Variants in STARD6 observed in about 807,000 individuals in gnomAD.
STARD6 encodes the protein StAR related lipid transfer domain containing 6.
Under a neutral mutation model 22.3 loss-of-function variants are expected in STARD6, and 21 were observed. The observed-to-expected ratio is 0.94, with a 90% CI of 0.67 to 1.35. The LOEUF (loss-of-function observed/expected upper bound fraction) is 1.35, where lower values mean the gene tolerates loss of function less well. Ranked by LOEUF, STARD6 falls within the 40% of genes most tolerant of loss-of-function variation. STARD6 has a pLI of 0.00. For missense variants in STARD6, 269 were observed against 266.9 expected, an observed-to-expected ratio of 1.01 and a Z score of -0.05; for synonymous variants, 80 against 88.1, an observed-to-expected ratio of 0.91 and a Z score of 0.52.
At position 54,356,341 on chromosome 18, in the gene STARD6, C is replaced by A. The variant is rs562103578; in HGVS notation, c.-5+20G>T. On this transcript the variant is annotated intron_variant, in intron 2 of 7. Transcript: ENST00000307844. ...ATTATTATAACCTCCTCTTTCCTAG[C>A]AGAGTCCTGGTTTCTTTACCTTTCC... 2.6e-5 allele frequency: 4 copies of A among 152,284 alleles called. No individual in the cohort carries two copies. The highest frequency in any genetic ancestry group is 5.9e-5 in the Non-Finnish European group (4 of 68,036). 9.4% of individuals were successfully genotyped at this position (152,284 alleles called of 1,614,324 possible).
chr18:54,339,413 C>T (rs1212501167), intron 4 of STARD6, among the ~76,000 whole-genome samples: 1 of 151,416 alleles, frequency 6.6e-6, no homozygotes, highest in Non-Finnish European at 1.5e-5. Flanking sequence ...GGAAAAACAT[C>T]CACTTCCAGA....
intron 5 of STARD6, among the ~76,000 whole-genome samples, chr18:54,335,154 A>G (rs916186834): frequency 6.6e-6 from 1 of 151,194 alleles, no homozygotes; most frequent in African/African-American, 2.4e-5. Flanking sequence ...TCATCCCCCC[A>G]TCCCTCCAGG....
intron 4 of STARD6, among the ~76,000 whole-genome samples, chr18:54,340,892 G>C (rs1230401918): frequency 6.6e-6 from 1 of 152,058 alleles, no homozygotes; most frequent in Non-Finnish European, 1.5e-5. Context: ...GAGATAAAGA[G>C]GGATATATTA....
intron 4 of STARD6, among the ~76,000 whole-genome samples, chr18:54,351,991 A>G (rs1004907681): frequency 2.3e-5 from 3 of 128,988 alleles, no homozygotes; most frequent in South Asian, 2.4e-4. Flanking sequence ...TTCTTTCTCT[A>G]TCTTTTGGAA....
chr18:54,356,781 T>C (rs974319060), intron 1 of STARD6, among the ~76,000 whole-genome samples: 2 of 152,230 alleles, frequency 1.3e-5, no homozygotes, highest in African/African-American at 4.8e-5. Context: ...CGTCTTAGCA[T>C]ATAAAACACC....
chr18:54,340,499 A>G (rs2088960116), intron 4 of STARD6, among the ~76,000 whole-genome samples: 1 of 152,236 alleles, frequency 6.6e-6, no homozygotes, highest in Non-Finnish European at 1.5e-5. Flanking sequence ...CAGAGGAACA[A>G]AATAGCCATG....
chr18:54,339,075 A>C (rs1229393239), intron 4 of STARD6, among the ~76,000 whole-genome samples: 6 of 147,066 alleles, frequency 4.1e-5, no homozygotes, highest in Non-Finnish European at 9.0e-5. Context: ...AAAAAAAAAA[A>C]AAAAACTCAA....
At chr18:54,343,134 G>A (rs2088991949) in intron 4 of STARD6, among the ~76,000 whole-genome samples, 1 of 36,668 alleles carries the variant, frequency 2.7e-5, no homozygotes, top group South Asian at 1.2e-3. Flanking sequence ...GATGTGAGGA[G>A]CGCCTCTGCC....
At chr18:54,332,817 A>T (rs552107670) in intron 5 of STARD6, among the ~76,000 whole-genome samples, 2 of 152,288 alleles carry the variant, frequency 1.3e-5, no homozygotes, top group South Asian at 4.1e-4. Flanking sequence ...AAGTAGGATG[A>T]TCACTTGAGC....
At chr18:54,332,988 A>G (rs1033303209) in intron 5 of STARD6, among the ~76,000 whole-genome samples, 5 of 152,340 alleles carry the variant, frequency 3.3e-5, no homozygotes, top group African/African-American at 4.8e-5. Flanking sequence ...ACAAAAAGGG[A>G]AAATAATTCT....
At chr18:54,341,843 GCCT>G (rs906952051) in intron 4 of STARD6, among the ~76,000 whole-genome samples, 19 of 152,148 alleles carry the variant, frequency 1.2e-4, no homozygotes, top group Middle Eastern at 3.4e-3. Flanking sequence ...CAATAACCTA[GCCT>G]TTAATTTTAG....
intron 4 of STARD6, among the ~76,000 whole-genome samples, chr18:54,344,541 C>T (rs1443326464): frequency 1.0e-5 from 1 of 99,028 alleles, no homozygotes; most frequent in African/African-American, 4.3e-5. Flanking sequence ...CCAAATCCCC[C>T]TCTGTGAGAA....
At position 54,328,640 on chromosome 18, in the gene STARD6, A is replaced by G. The variant is rs1217589314; in HGVS notation, c.479+707T>C. 6.1e-5 allele frequency among the ~76,000 whole-genome samples: 9 copies of G among 147,894 alleles called. No individual in the cohort carries two copies. The East Asian group carries it at 1.8e-3, about 29-fold the overall frequency. On this transcript the variant is annotated intron_variant, in intron 7 of 7. Coordinates refer to ENST00000307844, the MANE Select transcript of STARD6 (RefSeq NM_139171.2). ...TTTCATTTGGGCTTCCTTCACATACATTTTTTTTTTTGTACTGAGACATTT... is the reference window on the plus strand; with the variant it reads ...TTTCATTTGGGCTTCCTTCACATACGTTTTTTTTTTTGTACTGAGACATTT...
At chr18:54,347,873 C>G (rs2089052038) in intron 4 of STARD6, among the ~76,000 whole-genome samples, 2 of 152,188 alleles carry the variant, frequency 1.3e-5, no homozygotes, top group Middle Eastern at 3.4e-3. Flanking sequence ...CCACCCAAAT[C>G]TCATCTTGAA....
chr18:54,329,677 T>C (rs2088851269), intron 6 of STARD6, among the ~76,000 whole-genome samples: 1 of 151,996 alleles, frequency 6.6e-6, no homozygotes, highest in African/African-American at 2.4e-5. Context: ...TGTCAACTTC[T>C]GTATACAAGA....
chr18:54,341,892 C>G (rs1385656971), intron 4 of STARD6, among the ~76,000 whole-genome samples: 5 of 152,012 alleles, frequency 3.3e-5, no homozygotes, highest in Non-Finnish European at 7.4e-5. Context: ...AAACCCAAAG[C>G]TAGCAGAAGG....
rs1195078727 is a variant in STARD6, at chr18:54,325,432, A to G, written c.480-557T>C. ...ATCTACTTAACTGTTTTTCATGGCTACAGACAGTATTTCATTTTCTATTTA... is the reference window on the plus strand; with the variant it reads ...ATCTACTTAACTGTTTTTCATGGCTGCAGACAGTATTTCATTTTCTATTTA... On this transcript the variant is annotated intron_variant, in intron 7 of 7. Coordinates refer to ENST00000307844, the MANE Select transcript of STARD6 (RefSeq NM_139171.2). Among the ~76,000 whole-genome samples, 3 of 152,288 alleles carry G rather than the reference A, an allele frequency of 2.0e-5. No homozygotes were observed. In the East Asian group the frequency reaches 5.8e-4, roughly 29 times the overall value.
At chr18:54,347,920 A>C (rs2089052859) in intron 4 of STARD6, among the ~76,000 whole-genome samples, 1 of 152,146 alleles carries the variant, frequency 6.6e-6, no homozygotes, top group Admixed American at 6.6e-5. Context: ...TGTAGGAGAG[A>C]CCTGGTGGAA....
At chr18:54,351,476 T>C (rs1316073152) in intron 4 of STARD6, among the ~76,000 whole-genome samples, 4 of 152,198 alleles carry the variant, frequency 2.6e-5, no homozygotes, top group African/African-American at 9.7e-5. Flanking sequence ...GGACTTCCAG[T>C]ACTATGTTGA....
Sources: gnomAD v4.1 joint callset for allele counts (sites outside exome capture counted in the v4.1 genomes callset) on GRCh38, gnomAD v4.1.1 for gene constraint, MANE v1.5 for transcripts, NCBI Gene and HGNC (gene_info 2026-07-23, HGNC 2026-07-21) for gene names.